The following TCF4 variants were observed in gnomAD, a reference collection of about 807,000 sequenced individuals.
TCF4 encodes transcription factor 4, also known as SL3-3 enhancer factor 2.
In TCF4, 3 loss-of-function variants were observed where a neutral mutation model predicts 82.1. The ratio of observed to expected loss-of-function variants is 0.04; its 90% CI spans 0.02 to 0.09. The LOEUF is 0.09. Ranked by LOEUF, TCF4 falls within the 10% of genes least tolerant of loss-of-function variation. The pLI is 1.00. For missense variants in TCF4, 518 were observed against 852.7 expected (o/e 0.61, Z 4.89); for synonymous variants, 276 against 309.6 (o/e 0.89, Z 1.14).
intron 2 of TCF4, among the ~76,000 whole-genome samples, chr18:55,612,658 T>A (rs1398321384): frequency 6.6e-6 from 1 of 152,160 alleles, no homozygotes; most frequent in East Asian, 1.9e-4. Flanking sequence ...AGGTGCAGTT[T>A]CGATACAAGA....
intron 3 of TCF4, among the ~76,000 whole-genome samples, chr18:55,575,121 C>A (rs879857939): frequency 7.2e-5 from 11 of 152,100 alleles, no homozygotes; most frequent in Non-Finnish European, 1.5e-4. Flanking sequence ...AGAAATTGTT[C>A]AAAATGAGCC....
At chr18:55,550,628 A>G (rs192464371) in intron 3 of TCF4, 1 of 152,350 alleles carries the variant, frequency 6.6e-6, no homozygotes, top group East Asian at 1.9e-4. Context: ...AATGAAAATT[A>G]AATTACAGGA....
chr18:55,558,871 T>A (rs556370301), intron 3 of TCF4, among the ~76,000 whole-genome samples: 1 of 152,036 alleles, frequency 6.6e-6, no homozygotes, highest in East Asian at 1.9e-4. Context: ...CTTTCCTAGA[T>A]GGGGAGATTG....
In TCF4 at chr18:55,222,221, G is replaced by C. The variant is rs1350149486; in HGVS notation, c.*5814C>G. 2.0e-5 allele frequency: 3 copies of C among 152,132 alleles called. No homozygotes were observed. Among genetic ancestry groups the C allele is most frequent in the African/African-American group, 7.2e-5 (3 of 41,424 alleles). The allele number at this position is 152,132 out of a possible 1,614,324, so 9.4% of individuals were successfully genotyped here. A position where few individuals can be genotyped will look rare whatever the true frequency, so the allele number is the denominator to read the frequency against. ...TACCTTTTAATGTGGTCCTCTAAAA[G>C]AGAACAATGTTAATAGACACTACAC... On this transcript the variant is annotated 3_prime_UTR_variant, in exon 20 of 20. Transcript: ENST00000354452.
intron 5 of TCF4, among the ~76,000 whole-genome samples, chr18:55,423,975 T>C (rs900016772): frequency 2.0e-5 from 3 of 152,128 alleles, no homozygotes; most frequent in Admixed American, 2.0e-4. Flanking sequence ...GAGTCCGGTC[T>C]TCCTCCTTCT....
chr18:55,583,323 A>G (rs998455672), intron 3 of TCF4, among the ~76,000 whole-genome samples: 2 of 152,004 alleles, frequency 1.3e-5, no homozygotes, highest in Admixed American at 6.6e-5. Flanking sequence ...GTTTGCATGC[A>G]TGAACATATG....
chr18:55,552,196 A>C (rs2097265986), intron 3 of TCF4, among the ~76,000 whole-genome samples: 1 of 152,200 alleles, frequency 6.6e-6, no homozygotes, highest in Non-Finnish European at 1.5e-5. Context: ...GTACTAGTTC[A>C]TGCCTATCTC....
At chr18:55,228,145 A>T in intron 19 of TCF4, 76 bp downstream of exon 19, 1 of 1,583,462 alleles carries the variant, frequency 6.3e-7, no homozygotes, top group Non-Finnish European at 8.7e-7. Context: ...AATTTGGGTG[A>T]AATTCACTTT....
At chr18:55,392,431 C>T in intron 6 of TCF4, among the ~76,000 whole-genome samples, 1 of 92,462 alleles carries the variant, frequency 1.1e-5, no homozygotes, top group South Asian at 3.4e-4. Context: ...CCCACCTGGA[C>T]AACATAGAGA....
At chr18:55,552,098 CTATT>C (rs2097265019) in intron 3 of TCF4, among the ~76,000 whole-genome samples, 1 of 152,196 alleles carries the variant, frequency 6.6e-6, no homozygotes, top group African/African-American at 2.4e-5. Flanking sequence ...AAGCAATCCT[CTATT>C]TAGCTCATTC....
chr18:55,520,446 T>G (rs2096923606), intron 3 of TCF4, among the ~76,000 whole-genome samples: 1 of 152,190 alleles, frequency 6.6e-6, no homozygotes, highest in Non-Finnish European at 1.5e-5. Context: ...TTTATAGATG[T>G]CTATATGTAT....
chr18:55,317,410 TA>T (rs2074413649), intron 8 of TCF4, among the ~76,000 whole-genome samples: 1 of 152,002 alleles, frequency 6.6e-6, no homozygotes, highest in African/African-American at 2.4e-5. Flanking sequence ...AAATAGTAAG[TA>T]TAAGAAATAT....
chr18:55,532,038 C>T (rs1223618008), intron 3 of TCF4, among the ~76,000 whole-genome samples: 1 of 152,190 alleles, frequency 6.6e-6, no homozygotes, highest in Non-Finnish European at 1.5e-5. Flanking sequence ...TTTGCCACCA[C>T]AAATGGCTTT....
In TCF4 at chr18:55,380,241, G is replaced by C. The variant is rs151149562; in HGVS notation, c.369+23213C>G. 5.2e-3 allele frequency among the ~76,000 whole-genome samples: 790 copies of C among 151,988 alleles called. 4 individuals are homozygous for C. The highest frequency in any genetic ancestry group is 8.1e-3 in the Non-Finnish European group (553 of 67,948). ...TATCCTCACATGGAGAAGAGAGAAG[G>C]CTGGCTAGCTCTCTTCCTTTACTTT... On this transcript the variant is annotated intron_variant, in intron 6 of 19. Coordinates refer to ENST00000354452, the MANE Select transcript of TCF4 (RefSeq NM_001083962.2).
At chr18:55,362,622 C>T (rs976531821) in intron 6 of TCF4, among the ~76,000 whole-genome samples, 1 of 152,146 alleles carries the variant, frequency 6.6e-6, no homozygotes, top group African/African-American at 2.4e-5. Flanking sequence ...AACATTATAA[C>T]CAGCCTTAAA....
chr18:55,377,836 C>T (rs1226033370), intron 6 of TCF4, among the ~76,000 whole-genome samples: 2 of 152,182 alleles, frequency 1.3e-5, no homozygotes, highest in Non-Finnish European at 2.9e-5. Context: ...CTTTGTGAAA[C>T]AAGACACATT....
At chr18:55,311,420 AC>A (rs2072395595) in intron 8 of TCF4, among the ~76,000 whole-genome samples, 1 of 151,996 alleles carries the variant, frequency 6.6e-6, no homozygotes, top group African/African-American at 2.4e-5. Context: ...CTCCTGCCTG[AC>A]CCCCACAGTT....
At position 55,541,922 on chromosome 18, in the gene TCF4, A is replaced by G. The variant is rs141164886; in HGVS notation, c.145+43358T>C. ...TTCCTCTCATGCTTGACTAAGAACAACTAATACCACTGAGAATGTAGATTT... is the reference window on the plus strand; with the variant it reads ...TTCCTCTCATGCTTGACTAAGAACAGCTAATACCACTGAGAATGTAGATTT... On this transcript the variant is annotated intron_variant, in intron 3 of 19. Coordinates refer to ENST00000354452, the MANE Select transcript of TCF4 (RefSeq NM_001083962.2). Among the ~76,000 whole-genome samples the G allele has an allele frequency of 1.3e-3, 191 of 152,062 alleles. 2 individuals carry two copies. Among genetic ancestry groups the G allele is most frequent in the African/African-American group, 4.4e-3 (182 of 41,544 alleles).
At chr18:55,544,990 A>C (rs2097193860) in intron 3 of TCF4, among the ~76,000 whole-genome samples, 1 of 152,236 alleles carries the variant, frequency 6.6e-6, no homozygotes, top group Non-Finnish European at 1.5e-5. Context: ...ACAATTGTGC[A>C]TGTGATAAAC....
Sources: allele counts gnomAD v4.1 joint callset (sites outside exome capture counted in the v4.1 genomes callset), GRCh38; gene constraint gnomAD v4.1.1; transcripts MANE v1.5; gene names NCBI Gene and HGNC (gene_info 2026-07-23, HGNC 2026-07-21).